ZNF738: variants seen among roughly 807,000 people sequenced by gnomAD.
ZNF738 encodes protein ZNF738.
A neutral mutation model predicts 9.2 loss-of-function variants in ZNF738; 10 were observed. The ratio of observed to expected loss-of-function variants is 1.09; its 90% confidence interval spans 0.67 to 1.85. The LOEUF (loss-of-function observed/expected upper bound fraction) is 1.85, where lower values mean the gene tolerates loss of function less well. Ranked by LOEUF, ZNF738 falls within the 40% of genes most tolerant of loss-of-function variation. The probability of loss-of-function intolerance (pLI) is 0.00; values close to 1 mark genes in which losing one functional copy is unlikely to be tolerated. For missense variants in ZNF738, 346 were observed against 283.6 expected, an observed-to-expected ratio of 1.22 and a Z score of -1.58; for synonymous variants, 113 against 94.5, an observed-to-expected ratio of 1.20 and a Z score of -1.14.
At chr19:21,359,410 C>G (rs2012038) in intron 1 of ZNF738, among the ~76,000 whole-genome samples, 86,040 of 152,082 alleles carry the variant, frequency 0.57, 24,637 homozygotes, top group Middle Eastern at 0.69. Flanking sequence ...ACCCGCAGCG[C>G]CGCTTCTCTA....
chr19:21,383,395 T>G lies in ZNF738; in HGVS notation c.849T>G (p.Ala283=). 1 of 605,866 alleles carries G rather than the reference T, an allele frequency of 1.7e-6. No individual in the cohort carries two copies. Among genetic ancestry groups the G allele is most frequent in the Non-Finnish European group, 2.8e-6 (1 of 361,246 alleles). 37.5% of individuals were successfully genotyped at this position (605,866 alleles called of 1,614,324 possible). ...TTACTAGACATAAGGTAATTCATGC[T>G]GGAGAGAAACACTACAAATGTGAAA... is the stretch of plus-strand genomic sequence containing the variant. ...TTLTRHKVIH[A]GEKHYKCEKC... The change falls in exon 5 of 5, where the codon GCT becomes GCG. Residue 283 remains alanine (A), a synonymous_variant. Transcript: ENST00000683779.
chr19:21,374,398 C>T (rs1408037480), intron 2 of ZNF738, among the ~76,000 whole-genome samples: 1 of 152,184 alleles, frequency 6.6e-6, no homozygotes. Flanking sequence ...TCAGACTATA[C>T]TTTTTGGGGG....
At position 21,375,807 on chromosome 19, in the gene ZNF738, G is replaced by A. The variant is rs191819107; in HGVS notation, c.224-62G>A. The A allele has an allele frequency of 1.9e-5, 14 of 739,630 alleles. No individual in the cohort carries two copies. In the African/African-American group the frequency reaches 2.1e-4, roughly 11 times the overall value. 45.8% of individuals were successfully genotyped at this position (739,630 alleles called of 1,614,324 possible). ...TATTACCTCCTCTTTACTAAGCACAGTAATAGGTAGGTAATTAGAGAATAT... is the reference window on the plus strand; with the variant it reads ...TATTACCTCCTCTTTACTAAGCACAATAATAGGTAGGTAATTAGAGAATAT... On this transcript the variant is annotated intron_variant, in intron 3 of 4. Transcript: ENST00000683779.
intron 4 of ZNF738, among the ~76,000 whole-genome samples, chr19:21,381,006 G>A (rs569068430): frequency 1.3e-5 from 2 of 152,302 alleles, no homozygotes; most frequent in East Asian, 3.9e-4. Flanking sequence ...AATGATCCAA[G>A]GAGAGTGATG....
chr19:21,378,781 T>C (rs774024280), intron 4 of ZNF738: 1 of 248,554 alleles, frequency 4.0e-6, no homozygotes, highest in Non-Finnish European at 8.6e-6. Flanking sequence ...GTATTTTTAG[T>C]AGAGACAGGG....
chr19:21,381,241 A>G (rs1973999944), intron 4 of ZNF738: 2 of 1,576,280 alleles, frequency 1.3e-6, no homozygotes, highest in Admixed American at 3.5e-5. Flanking sequence ...AGCTTTCTCT[A>G]CAGCCACACG....
At chr19:21,374,604 T>C (rs546150838) in intron 2 of ZNF738, among the ~76,000 whole-genome samples, 1 of 152,264 alleles carries the variant, frequency 6.6e-6, no homozygotes, top group Non-Finnish European at 1.5e-5. Flanking sequence ...AATCATCACA[T>C]TTAATCTGGC....
intron 2 of ZNF738, 138 bp downstream of exon 2, chr19:21,361,996 C>G (rs1183762177): frequency 5.3e-6 from 3 of 562,830 alleles, no homozygotes; most frequent in Non-Finnish European, 9.6e-6. Context: ...GCAGGACAAT[C>G]ACTTGATCCC....
chr19:21,368,241 C>G (rs757876612), intron 2 of ZNF738, among the ~76,000 whole-genome samples: 1 of 152,068 alleles, frequency 6.6e-6, no homozygotes, highest in African/African-American at 2.4e-5. Flanking sequence ...TCCTCTTTGT[C>G]CTTTTATCCT....
chr19:21,384,065 T>A lies in ZNF738; in HGVS notation c.*391T>A. On this transcript the variant is annotated 3_prime_UTR_variant, in exon 5 of 5. Coordinates refer to ENST00000683779, the MANE Select transcript of ZNF738 (RefSeq NM_001355237.2). ...TTACTACACATAAGAGAATTCACAC[T>A]GGAGAGAAACCCTACAAATGTGAAG... is the stretch of plus-strand genomic sequence containing the variant. The A allele has an allele frequency of 1.3e-6, 2 of 1,562,812 alleles. No homozygotes were observed. Among genetic ancestry groups the A allele is most frequent in the Non-Finnish European group, 1.8e-6 (2 of 1,137,284 alleles).
chr19:21,378,531 T>C (rs1481691435), intron 4 of ZNF738: 1 of 271,994 alleles, frequency 3.7e-6, no homozygotes, highest in Non-Finnish European at 8.1e-6. Flanking sequence ...TATCACACAG[T>C]TTTCTTCTGT....
chr19:21,375,174 A>C lies in ZNF738; in HGVS notation c.97-64A>C, dbSNP rs147684600. On this transcript the variant is annotated intron_variant, in intron 2 of 4. Transcript: ENST00000683779. ...TTTCTTTACTCTCTCATTTAACCTT[A>C]ATTCAAATGATAAATTCTGCCCGTG... is the stretch of plus-strand genomic sequence containing the variant. 2.1e-3 allele frequency: 1,748 copies of C among 827,722 alleles called. 24 individuals carry two copies. In the African/African-American group the frequency reaches 0.027, roughly 13 times the overall value. The allele number at this position is 827,722 out of a possible 1,614,324, so 51.3% of individuals were successfully genotyped here.
At position 21,387,820 on chromosome 19, in the gene ZNF738, A is replaced by C. The variant is rs537888676; in HGVS notation, c.*4146A>C. 4.6e-5 allele frequency among the ~76,000 whole-genome samples: 7 copies of C among 152,340 alleles called. No individual in the cohort carries two copies. The highest frequency in any genetic ancestry group is 1.7e-4 in the African/African-American group (7 of 41,588). On this transcript the variant is annotated 3_prime_UTR_variant, in exon 5 of 5. Transcript: ENST00000683779. ...CTTTACTTGAATCAAATTTTATTGT[A>C]CACATTTTGTACTAGAGGAAAACTC...
chr19:21,366,246 G>C (rs1973777027), intron 2 of ZNF738, among the ~76,000 whole-genome samples: 1 of 152,150 alleles, frequency 6.6e-6, no homozygotes, highest in Non-Finnish European at 1.5e-5. Flanking sequence ...AGACTTTACT[G>C]AGAGCGGTCT....
At chr19:21,363,479 C>A (rs1391522504) in intron 2 of ZNF738, among the ~76,000 whole-genome samples, 1 of 152,180 alleles carries the variant, frequency 6.6e-6, no homozygotes, top group Admixed American at 6.5e-5. Flanking sequence ...AAGCTACAGG[C>A]AGATGAGTTA....
chr19:21,380,042 C>T (rs1973985461), intron 4 of ZNF738, among the ~76,000 whole-genome samples: 3 of 152,196 alleles, frequency 2.0e-5, no homozygotes, highest in Non-Finnish European at 2.9e-5. Flanking sequence ...AAATGTTAGG[C>T]TAAAATATTA....
At chr19:21,363,930 C>G (rs1454104243) in intron 2 of ZNF738, among the ~76,000 whole-genome samples, 2 of 146,084 alleles carry the variant, frequency 1.4e-5, no homozygotes, top group Non-Finnish European at 3.0e-5. Context: ...GGCATGGTGG[C>G]TCATGTCTGT....
At chr19:21,360,653 C>T (rs1807172868) in intron 1 of ZNF738, 1 of 152,170 alleles carries the variant, frequency 6.6e-6, no homozygotes, top group Admixed American at 6.6e-5. Context: ...GGGGTTTCAC[C>T]ATGCTGGCCA....
chr19:21,363,918 C>A (rs905235660), intron 2 of ZNF738, among the ~76,000 whole-genome samples: 1 of 150,060 alleles, frequency 6.7e-6, no homozygotes, highest in Non-Finnish European at 1.5e-5. Flanking sequence ...ATTCTAGAGC[C>A]CGGCATGGTG....
Sources: allele counts gnomAD v4.1 joint callset (sites outside exome capture counted in the v4.1 genomes callset), GRCh38; gene constraint gnomAD v4.1.1; transcripts MANE v1.5; gene names NCBI Gene and HGNC (gene_info 2026-07-23, HGNC 2026-07-21).